KRT80: variants seen among roughly 807,000 people sequenced by gnomAD.
KRT80 encodes keratin 80.
KRT80 carries 36 observed loss-of-function variants against 51.5 expected under a neutral mutation model. The ratio of observed to expected loss-of-function variants is 0.70; its 90% CI spans 0.54 to 0.92. The LOEUF (loss-of-function observed/expected upper bound fraction) is 0.92. KRT80 is among the 40% of genes least tolerant of loss of function. The probability of loss-of-function intolerance (pLI) is 0.00; values close to 1 mark genes in which losing one functional copy is unlikely to be tolerated. For missense variants in KRT80, 566 were observed against 591.7 expected, an observed-to-expected ratio of 0.96 and a Z score of 0.45; for synonymous variants, 235 against 248.3, an observed-to-expected ratio of 0.95 and a Z score of 0.50.
In KRT80 at chr12:52,171,731, G is replaced by A. The variant is rs767569862; in HGVS notation, c.1179-18C>T. Reference sequence around the variant, plus strand: ...AGTCCATCCTGGGGGTGGGGGACGGGGGGGTGGGAGAGGGATATGATGGGA... The same window carrying A: ...AGTCCATCCTGGGGGTGGGGGACGGAGGGGTGGGAGAGGGATATGATGGGA... On this transcript the variant is annotated intron_variant, in intron 7 of 8. Coordinates refer to ENST00000394815, the MANE Select transcript of KRT80 (RefSeq NM_182507.3). 4 of 1,431,280 alleles carry A rather than the reference G, an allele frequency of 2.8e-6. No homozygotes were observed. Among genetic ancestry groups the A allele is most frequent in the Non-Finnish European group, 2.9e-6 (3 of 1,037,806 alleles). The allele number at this position is 1,431,280 out of a possible 1,614,324, so 88.7% of individuals were successfully genotyped here.
At chr12:52,178,270 C>T (rs1414950108) in intron 4 of KRT80, among the ~76,000 whole-genome samples, 4 of 152,232 alleles carry the variant, frequency 2.6e-5, no homozygotes, top group African/African-American at 9.6e-5. Flanking sequence ...TGCCACCCCG[C>T]CCCAGTGCCC....
chr12:52,174,073 G>C (rs975792596), intron 4 of KRT80, among the ~76,000 whole-genome samples: 14 of 152,208 alleles, frequency 9.2e-5, no homozygotes, highest in African/African-American at 3.4e-4. Flanking sequence ...CCCTCTCCTG[G>C]GAGGGATGGC....
chr12:52,185,051 T>C (rs528332442), intron 2 of KRT80, among the ~76,000 whole-genome samples: 23 of 152,244 alleles, frequency 1.5e-4, no homozygotes, highest in African/African-American at 5.1e-4. Flanking sequence ...AGTGTGTCCA[T>C]AGGTACAAGA....
chr12:52,171,117 C>A lies in KRT80; in HGVS notation c.*281G>T. ...GCGAGGAGGTGGAGACAAAACTGAC[C>A]CCTAATTCCGACTCACCCATCAGGA... On this transcript the variant is annotated 3_prime_UTR_variant, in exon 9 of 9. Transcript: ENST00000394815. 3.6e-6 allele frequency: 1 copy of A among 278,834 alleles called. No individual in the cohort carries two copies. The highest frequency in any genetic ancestry group is 6.7e-6 in the Non-Finnish European group (1 of 149,260). 17.3% of individuals were successfully genotyped at this position (278,834 alleles called of 1,614,324 possible).
intron 1 of KRT80, 90 bp from the exon 2 acceptor site, chr12:52,185,677 T>TC: frequency 6.5e-7 from 1 of 1,542,744 alleles, no homozygotes; most frequent in Non-Finnish European, 8.7e-7. Context: ...CACGGAGGGC[T>TC]CCCTGGGAAG....
Position 52,170,743 on chromosome 12 carries a change from G to A in KRT80, c.*655C>T, listed in dbSNP as rs1291105643. 6.5e-6 allele frequency: 1 copy of A among 152,740 alleles called. No individual in the cohort carries two copies. The highest frequency in any genetic ancestry group is 1.5e-5 in the Non-Finnish European group (1 of 68,126). 9.5% of individuals were successfully genotyped at this position (152,740 alleles called of 1,614,324 possible). A position where few individuals can be genotyped will look rare whatever the true frequency, so the allele number is the denominator to read the frequency against. ...GCCTACTGGGAGGGACCCATGGGAG[G>A]AGGAAGGGATGCGGGTGTTCGGGCT... On this transcript the variant is annotated 3_prime_UTR_variant, in exon 9 of 9. Transcript: ENST00000394815.
At chr12:52,171,624 C>T (rs773146305) in intron 8 of KRT80, 34 bp downstream of exon 8, 11 of 1,601,412 alleles carry the variant, frequency 6.9e-6, no homozygotes, top group Non-Finnish European at 8.5e-6. Context: ...CTCACCCTCA[C>T]CCCACCATGG....
intron 5 of KRT80, 150 bp from the exon 6 acceptor site, chr12:52,173,313 C>T: frequency 1.8e-6 from 2 of 1,082,592 alleles, no homozygotes; most frequent in Non-Finnish European, 2.4e-6. Flanking sequence ...CCCCCTTCCA[C>T]CTCCCTTTCT....
intron 1 of KRT80, among the ~76,000 whole-genome samples, chr12:52,187,329 C>T (rs1053706578): frequency 1.3e-5 from 2 of 152,254 alleles, no homozygotes; most frequent in African/African-American, 4.8e-5. Context: ...ATCAGCTGAG[C>T]TGGGCCCTTC....
chr12:52,179,559 A>T (rs890049155), intron 4 of KRT80, among the ~76,000 whole-genome samples: 2 of 152,166 alleles, frequency 1.3e-5, no homozygotes, highest in African/African-American at 4.8e-5. Flanking sequence ...GCTGGAAAGG[A>T]CTGTGACCCA....
At chr12:52,184,865 G>T (rs1941378430) in intron 2 of KRT80, among the ~76,000 whole-genome samples, 1 of 152,194 alleles carries the variant, frequency 6.6e-6, no homozygotes, top group Non-Finnish European at 1.5e-5. Context: ...GGCATGCATT[G>T]CTTCTTTATT....
intron 4 of KRT80, among the ~76,000 whole-genome samples, chr12:52,176,401 GT>G (rs771599767): frequency 6.4e-4 from 98 of 152,248 alleles, no homozygotes; most frequent in South Asian, 1.2e-3. Context: ...GATTGTGACT[GT>G]TATGGGGTAA....
chr12:52,185,350 G>A, intron 2 of KRT80, 29 bp downstream of exon 2: 1 of 1,584,858 alleles, frequency 6.3e-7, no homozygotes, highest in Non-Finnish European at 8.6e-7. Context: ...CTCAGGCCTT[G>A]CTCATGGCTC....
chr12:52,185,780 G>T, intron 1 of KRT80, 193 bp from the exon 2 acceptor site: 1 of 1,261,706 alleles, frequency 7.9e-7, no homozygotes, highest in Non-Finnish European at 1.1e-6. Context: ...GTGAGATAAG[G>T]ACAGGATCAG....
intron 4 of KRT80, among the ~76,000 whole-genome samples, chr12:52,177,683 A>G (rs557784968): frequency 1.4e-5 from 2 of 145,998 alleles, no homozygotes; most frequent in Admixed American, 7.1e-5. Flanking sequence ...GTGTATGTAC[A>G]CACACACATG....
intron 2 of KRT80, among the ~76,000 whole-genome samples, chr12:52,184,474 T>C (rs1442119048): frequency 6.6e-6 from 1 of 152,218 alleles, no homozygotes. Context: ...AGACCTGCTG[T>C]GTGCTGAGAA....
chr12:52,188,059 G>A (rs545971349), intron 1 of KRT80, among the ~76,000 whole-genome samples: 1 of 152,196 alleles, frequency 6.6e-6, no homozygotes, highest in East Asian at 1.9e-4. Flanking sequence ...CTGCCCTTGG[G>A]GGAGTCTCTG....
rs1311499846 is a variant in KRT80 at position 52,184,594 on chromosome 12, T to C, written c.509+785A>G. On this transcript the variant is annotated intron_variant, in intron 2 of 8. Coordinates refer to ENST00000394815, the MANE Select transcript of KRT80 (RefSeq NM_182507.3). Reference sequence around the variant, plus strand: ...ACCTACTTTAGATTGGCATCAACCATAATCATTCCCGTTTCACACAGGAAG... The same window carrying C: ...ACCTACTTTAGATTGGCATCAACCACAATCATTCCCGTTTCACACAGGAAG... Among the ~76,000 whole-genome samples the C allele has an allele frequency of 2.0e-5, 3 of 152,242 alleles. No homozygotes were observed. The East Asian group carries it at 5.8e-4, about 29-fold the overall frequency.
At chr12:52,180,230 C>T (rs1282160901) in intron 4 of KRT80, among the ~76,000 whole-genome samples, 1 of 152,218 alleles carries the variant, frequency 6.6e-6, no homozygotes, top group East Asian at 1.9e-4. Context: ...CACCTGGTCC[C>T]CAGCATGCCC....
Sources: gnomAD v4.1 joint callset for allele counts (sites outside exome capture counted in the v4.1 genomes callset) on GRCh38, gnomAD v4.1.1 for gene constraint, MANE v1.5 for transcripts, NCBI Gene and HGNC (gene_info 2026-07-23, HGNC 2026-07-21) for gene names.